Variants in MCC observed in about 807,000 individuals in gnomAD.
The protein encoded by MCC is MCC regulator of Wnt signaling pathway.
Under a neutral mutation model 116.2 loss-of-function variants are expected in MCC, and 90 were observed. That is an observed-to-expected ratio of 0.77 (90% CI 0.65 to 0.92). MCC has a LOEUF of 0.92. MCC is among the 40% of genes least tolerant of loss of function. The pLI is 0.00. For missense variants in MCC, 1,516 were observed against 1,312.2 expected (o/e 1.16, Z -2.40); for synonymous variants, 578 against 510.5 (o/e 1.13, Z -1.78).
intron 4 of MCC, among the ~76,000 whole-genome samples, chr5:113,148,226 G>C (rs559122524): frequency 6.6e-6 from 1 of 152,340 alleles, no homozygotes; most frequent in African/African-American, 2.4e-5. Flanking sequence ...TTCAATTTGG[G>C]AAGATAGGAG....
Position 113,385,153 on chromosome 5 carries a change from A to G in MCC, c.230T>C (p.Met77Thr). 2 of 1,614,224 alleles carry G rather than the reference A, an allele frequency of 1.2e-6. No homozygotes were observed. Among genetic ancestry groups the G allele is most frequent in the Non-Finnish European group, 1.7e-6 (2 of 1,180,036 alleles). ...ATTTTCATCTGCTCCCAACTGGTTC[A>G]TGATCTCAGCCACAGACTCTTCCAT... ...LNMEESVAEI[M>T]NQLGADENGK... The change falls in exon 2 of 19, where the codon ATG becomes ACG. Residue 77 changes from methionine to threonine, a missense_variant. By Grantham distance (81) the Met-to-Thr change is moderately conservative. Transcript: ENST00000408903.
chr5:113,242,703 G>A (rs116695809), intron 3 of MCC, among the ~76,000 whole-genome samples: 2,398 of 152,148 alleles, frequency 0.016, 35 homozygotes, highest in Middle Eastern at 0.041. Flanking sequence ...ATGACCACAC[G>A]GGGGTAACCA....
chr5:113,066,669 T>C (rs562847813), intron 13 of MCC, among the ~76,000 whole-genome samples: 2 of 152,292 alleles, frequency 1.3e-5, no homozygotes, highest in African/African-American at 4.8e-5. Flanking sequence ...GAGTGTTCAG[T>C]GCAAAAGTGA....
At chr5:113,357,154 T>G (rs6594705) in intron 2 of MCC, among the ~76,000 whole-genome samples, 69,801 of 151,976 alleles carry the variant, frequency 0.46, 17,411 homozygotes, top group African/African-American at 0.65. Flanking sequence ...TTTCATGAGG[T>G]TGTTGTGAGA....
At chr5:113,193,560 A>T (rs1317366887) in intron 3 of MCC, among the ~76,000 whole-genome samples, 2 of 152,142 alleles carry the variant, frequency 1.3e-5, no homozygotes, top group Non-Finnish European at 2.9e-5. Flanking sequence ...TTCTCTCCGT[A>T]TCTTGTCAGG....
chr5:113,131,271 C>G (rs1326690286), intron 5 of MCC, among the ~76,000 whole-genome samples: 1 of 152,094 alleles, frequency 6.6e-6, no homozygotes, highest in African/African-American at 2.4e-5. Flanking sequence ...CTTTTCACAT[C>G]CAGTGAGCTA....
intron 3 of MCC, among the ~76,000 whole-genome samples, chr5:113,180,825 T>G (rs1761590615): frequency 6.6e-6 from 1 of 152,198 alleles, no homozygotes; most frequent in Admixed American, 6.5e-5. Flanking sequence ...ACTTTCTACA[T>G]TTTATATAAT....
In MCC at chr5:113,059,436, T is replaced by G. The variant is rs139963735; in HGVS notation, c.2213+4548A>C. Among the ~76,000 whole-genome samples the G allele has an allele frequency of 7.0e-3, 1,059 of 152,306 alleles. 17 individuals are homozygous for G. Among genetic ancestry groups the G allele is most frequent in the African/African-American group, 0.024 (1,013 of 41,572 alleles). On this transcript the variant is annotated intron_variant, in intron 14 of 18. Transcript: ENST00000408903. ...CTCACAGACAAAGGCGCTGGCGGTC[T>G]CCCAAGGGCCTGCTGCTGGCTGCTG...
chr5:113,325,629 G>C (rs1026503169), intron 3 of MCC, among the ~76,000 whole-genome samples: 1 of 151,558 alleles, frequency 6.6e-6, no homozygotes, highest in Non-Finnish European at 1.5e-5. Flanking sequence ...CTACTTTATT[G>C]AACAACGGAA....
chr5:113,046,666 T>C (rs569404605), intron 16 of MCC, among the ~76,000 whole-genome samples: 130 of 87,420 alleles, frequency 1.5e-3, no homozygotes, highest in Admixed American at 9.8e-3. Flanking sequence ...TCTAACTGAC[T>C]GCTAACAAAC....
intron 3 of MCC, among the ~76,000 whole-genome samples, chr5:113,303,088 G>A (rs894199372): frequency 6.6e-6 from 1 of 152,150 alleles, no homozygotes; most frequent in South Asian, 2.1e-4. Context: ...ACCAAGTTTC[G>A]CAGAGGAAAT....
chr5:113,389,881 G>T (rs1241195323), intron 1 of MCC, among the ~76,000 whole-genome samples: 1 of 152,058 alleles, frequency 6.6e-6, no homozygotes, highest in African/African-American at 2.4e-5. Context: ...CCCACATAAT[G>T]CAGCACATGG....
intron 5 of MCC, among the ~76,000 whole-genome samples, chr5:113,139,674 A>G (rs1393645280): frequency 6.6e-6 from 1 of 152,182 alleles, no homozygotes; most frequent in Non-Finnish European, 1.5e-5. Context: ...AATTAGTTCA[A>G]CCATTGTGGA....
chr5:113,024,569 C>A lies in MCC; in HGVS notation c.*2733G>T, dbSNP rs1188657269. The A allele has an allele frequency of 6.6e-6, 1 of 152,176 alleles. No individual in the cohort carries two copies. The highest frequency in any genetic ancestry group is 6.5e-5 in the Admixed American group (1 of 15,280). The allele number at this position is 152,176 out of a possible 1,614,324, so 9.4% of individuals were successfully genotyped here. A position where few individuals can be genotyped will look rare whatever the true frequency, so the allele number is the denominator to read the frequency against. The stretch of plus-strand genomic sequence containing the variant: ...GTTACTGACTAAAAGGGGGTAACCA[C>A]TGAGGAAACTAGGGAGAACAATTCA... On this transcript the variant is annotated 3_prime_UTR_variant, in exon 19 of 19. Transcript: ENST00000408903.
intron 14 of MCC, among the ~76,000 whole-genome samples, chr5:113,055,797 T>C (rs946378700): frequency 6.6e-6 from 1 of 152,172 alleles, no homozygotes; most frequent in Non-Finnish European, 1.5e-5. Context: ...TACATGTGAT[T>C]ACCATTAAAA....
intron 17 of MCC, among the ~76,000 whole-genome samples, chr5:113,033,576 T>C (rs1031636888): frequency 3.3e-5 from 5 of 152,236 alleles, no homozygotes; most frequent in South Asian, 4.1e-4. Flanking sequence ...ACAAGCTTTC[T>C]TGGCTTCACA....
In MCC at chr5:113,104,277, CTCT is replaced by C; in HGVS notation, c.1103_1105del (p.Lys368del). ...CTCGGCCACGGAGAGGCTGCAGCTG[CTCT>C]TCTTCCTGCCGCAGACAACATTCTC... On this transcript the variant is annotated inframe_deletion, in exon 7 of 19. Coordinates refer to ENST00000408903, the MANE Select transcript of MCC (RefSeq NM_001085377.2). 2 of 1,614,096 alleles carry C rather than the reference CTCT, an allele frequency of 1.2e-6. No individual in the cohort carries two copies. The highest frequency in any genetic ancestry group is 1.7e-6 in the Non-Finnish European group (2 of 1,180,036).
chr5:113,251,690 G>A (rs556895680), intron 3 of MCC, among the ~76,000 whole-genome samples: 2 of 152,122 alleles, frequency 1.3e-5, no homozygotes, highest in African/African-American at 4.8e-5. Flanking sequence ...TCAGAGTTTG[G>A]GGAAGTCTCA....
At chr5:113,156,384 G>A (rs1477629393) in intron 3 of MCC, among the ~76,000 whole-genome samples, 2 of 152,170 alleles carry the variant, frequency 1.3e-5, no homozygotes, top group East Asian at 1.9e-4. Context: ...TAGCAGGGTG[G>A]CTGGAACCAG....
Sources: gnomAD v4.1 joint callset for allele counts (sites outside exome capture counted in the v4.1 genomes callset) on GRCh38, gnomAD v4.1.1 for gene constraint, MANE v1.5 for transcripts, NCBI Gene and HGNC (gene_info 2026-07-23, HGNC 2026-07-21) for gene names.